FBRSL1: variants seen among roughly 807,000 people sequenced by gnomAD.
FBRSL1 encodes fibrosin like 1.
Under a neutral mutation model 89.6 loss-of-function variants are expected in FBRSL1, and 51 were observed. The ratio of observed to expected loss-of-function variants is 0.57; its 90% CI spans 0.45 to 0.72. The LOEUF (loss-of-function observed/expected upper bound fraction) is 0.72, where lower values mean the gene tolerates loss of function less well. Ranked by LOEUF, FBRSL1 falls within the 30% of genes least tolerant of loss-of-function variation. The pLI is 0.00. For missense variants in FBRSL1, 1,618 were observed against 1,451.8 expected, an observed-to-expected ratio of 1.11 and a Z score of -1.86; for synonymous variants, 779 against 681.1, an observed-to-expected ratio of 1.14 and a Z score of -2.24.
At position 132,570,441 on chromosome 12, in the gene FBRSL1, C is replaced by T; in HGVS notation, c.1114C>T (p.Gln372Ter). 1 of 1,534,920 alleles carries T rather than the reference C, an allele frequency of 6.5e-7. No individual in the cohort carries two copies. ...ACACCTGGCGCTCCGGTCCCAGGCG[C>T]AGCACCAGCTCCACGCGGCCATGTT... is the stretch of plus-strand genomic sequence containing the variant. ...TSHLALRSQA[Q>*]HQLHAAMFAA... Residue 372 changes from glutamine to a stop codon, truncating the protein, a stop_gained, in exon 8 of 19, where the codon CAG becomes TAG. Transcript: ENST00000680143. LOFTEE classifies it high-confidence loss of function.
rs1439379514 is a variant in FBRSL1 at position 132,582,179 on chromosome 12, C to G, written c.2114C>G (p.Pro705Arg). ...CCGCCCTCCTTCCCGGCTCCGCCCC[C>G]GTGGCCCAAGTCCGTGGACGCGGAG... Reference protein sequence around the residue: ...RAPPSFPAPPPWPKSVDAERV... With the variant: ...RAPPSFPAPPRWPKSVDAERV... The change falls in exon 18 of 19, where the codon CCG (proline) becomes CGG (arginine). Residue 705 changes from proline (P) to arginine (R), a missense_variant. Physicochemically the swap from Pro to Arg is moderately radical, Grantham distance 103. Coordinates refer to ENST00000680143, the MANE Select transcript of FBRSL1 (RefSeq NM_001367871.1). 1 of 1,550,146 alleles carries G rather than the reference C, an allele frequency of 6.5e-7. No individual in the cohort carries two copies. Among genetic ancestry groups the G allele is most frequent in the Non-Finnish European group, 8.7e-7 (1 of 1,146,846 alleles).
intron 4 of FBRSL1, among the ~76,000 whole-genome samples, chr12:132,528,352 G>A (rs756252557): frequency 2.0e-5 from 3 of 152,166 alleles, no homozygotes; most frequent in Non-Finnish European, 4.4e-5. Context: ...GCCAAGGCCG[G>A]GCTGCTTCTT....
At position 132,581,532 on chromosome 12, in the gene FBRSL1, T is replaced by A; in HGVS notation, c.1912+16T>A. 1 of 1,550,518 alleles carries A rather than the reference T, an allele frequency of 6.4e-7. No homozygotes were observed. The highest frequency in any genetic ancestry group is 8.7e-7 in the Non-Finnish European group (1 of 1,146,570). ...CCCCTGACAGGTGGGTGTCTCTGAA[T>A]TCAGCCCACGCAGCCTGGCTGGTTC... is the stretch of plus-strand genomic sequence containing the variant. On this transcript the variant is annotated intron_variant, in intron 16 of 18. Coordinates refer to ENST00000680143, the MANE Select transcript of FBRSL1 (RefSeq NM_001367871.1).
intron 5 of FBRSL1, among the ~76,000 whole-genome samples, chr12:132,562,834 G>T (rs1450726703): frequency 1.3e-5 from 2 of 152,122 alleles, no homozygotes; most frequent in East Asian, 3.8e-4. Context: ...ACGTGACTAG[G>T]AAGGGCTTCC....
intron 4 of FBRSL1, among the ~76,000 whole-genome samples, chr12:132,537,158 G>T (rs2036833887): frequency 6.6e-6 from 1 of 152,210 alleles, no homozygotes. Context: ...GTTAGGGATG[G>T]CCGCCCTGTC....
At chr12:132,539,689 C>T (rs1162618827) in intron 4 of FBRSL1, among the ~76,000 whole-genome samples, 1 of 120,708 alleles carries the variant, frequency 8.3e-6, no homozygotes, top group Admixed American at 8.2e-5. Context: ...CCCAGTCCTG[C>T]CTTCCAGCCC....
intron 5 of FBRSL1, among the ~76,000 whole-genome samples, chr12:132,559,277 C>T (rs1210586999): frequency 6.6e-6 from 1 of 152,250 alleles, no homozygotes; most frequent in Non-Finnish European, 1.5e-5. Flanking sequence ...CGACTTTGCA[C>T]CCCCGTTTCA....
At chr12:132,571,284 C>G in intron 9 of FBRSL1, 53 bp downstream of exon 9, 4 of 1,506,060 alleles carry the variant, frequency 2.7e-6, no homozygotes, top group Non-Finnish European at 3.6e-6. Flanking sequence ...GCCTCTCTGT[C>G]TCTCTCTCTT....
chr12:132,571,652 CTG>C (rs1342440360), intron 9 of FBRSL1: 1 of 619,948 alleles, frequency 1.6e-6, no homozygotes, highest in East Asian at 4.3e-5. Context: ...CGGCACCTCT[CTG>C]TCGTCTGTCC....
intron 4 of FBRSL1, among the ~76,000 whole-genome samples, chr12:132,544,029 C>T (rs748231117): frequency 2.6e-5 from 4 of 152,134 alleles, no homozygotes; most frequent in South Asian, 4.1e-4. Context: ...GCGTGAGGGC[C>T]GGGGCCCTGG....
chr12:132,497,706 C>T (rs1318136355), intron 1 of FBRSL1, among the ~76,000 whole-genome samples: 5 of 152,152 alleles, frequency 3.3e-5, no homozygotes, highest in South Asian at 2.1e-4. Context: ...CCTAGGGCGC[C>T]GCCTCACACC....
intron 4 of FBRSL1, among the ~76,000 whole-genome samples, chr12:132,532,769 G>C (rs979587451): frequency 2.6e-5 from 4 of 152,236 alleles, no homozygotes; most frequent in African/African-American, 9.6e-5. Flanking sequence ...GGTTTGAACA[G>C]AGGGGCCGGT....
At chr12:132,516,169 A>T (rs1240919344) in intron 2 of FBRSL1, among the ~76,000 whole-genome samples, 1 of 151,956 alleles carries the variant, frequency 6.6e-6, no homozygotes, top group Non-Finnish European at 1.5e-5. Context: ...CTGACACAAG[A>T]TGAAATAGAT....
chr12:132,567,572 C>A (rs1321564011), intron 6 of FBRSL1, 46 bp downstream of exon 6: 1 of 1,530,366 alleles, frequency 6.5e-7, no homozygotes, highest in Non-Finnish European at 8.9e-7. Context: ...TGAAGAGACA[C>A]AATGCGCCCT....
At chr12:132,577,467 T>A (rs1191752767) in intron 15 of FBRSL1, among the ~76,000 whole-genome samples, 1 of 152,176 alleles carries the variant, frequency 6.6e-6, no homozygotes, top group Non-Finnish European at 1.5e-5. Flanking sequence ...CTTCCTCACA[T>A]GCATGGTTGC....
chr12:132,544,859 TGATGGTGATGAG>T (rs2037553575), intron 4 of FBRSL1, among the ~76,000 whole-genome samples: 1 of 151,736 alleles, frequency 6.6e-6, no homozygotes, highest in South Asian at 2.1e-4. Flanking sequence ...GTGATGAGGG[TGATGGTGATGAG>T]GATGGTGATG....
intron 9 of FBRSL1, 47 bp downstream of exon 9, chr12:132,571,278 C>G (rs2039990887): frequency 6.7e-7 from 1 of 1,502,316 alleles, no homozygotes; most frequent in Admixed American, 2.1e-5. Context: ...CAACGTGCCT[C>G]TCTGTCTCTC....
At position 132,570,077 on chromosome 12, in the gene FBRSL1, C is replaced by T. The variant is rs2039902448; in HGVS notation, c.843C>T (p.Ser281=). ...CCTGCCCGGGGCCCCCGCCCGGCTC[C>T]CGCGCCAATCCCTTGGTGAAGAAGG... ...AAPCPGPPPG[S]RANPLVKKEP... Residue 281 remains serine (S), a synonymous_variant, in exon 7 of 19, where the codon TCC becomes TCT. Transcript: ENST00000680143. 3 of 1,488,458 alleles carry T rather than the reference C, an allele frequency of 2.0e-6. No homozygotes were observed. Among genetic ancestry groups the T allele is most frequent in the African/African-American group, 1.5e-5 (1 of 68,234 alleles). The allele number at this position is 1,488,458 out of a possible 1,614,324, so 92.2% of individuals were successfully genotyped here. A position where few individuals can be genotyped will look rare whatever the true frequency, so the allele number is the denominator to read the frequency against.
At position 132,575,627 on chromosome 12, in the gene FBRSL1, C is replaced by T. The variant is rs1035166001; in HGVS notation, c.1701+1063C>T. Among the ~76,000 whole-genome samples, 11 of 152,296 alleles carry T rather than the reference C, an allele frequency of 7.2e-5. No homozygotes were observed. In the East Asian group the frequency reaches 1.4e-3, roughly 19 times the overall value. ...GGTGGGGGGCCGTCCACGGCAGAGTCGGGAGACCTCATCACTCCTGGTTTT... is the reference window on the plus strand; with the variant it reads ...GGTGGGGGGCCGTCCACGGCAGAGTTGGGAGACCTCATCACTCCTGGTTTT... On this transcript the variant is annotated intron_variant, in intron 14 of 18. Transcript: ENST00000680143.
Sources: gnomAD v4.1 joint callset for allele counts (sites outside exome capture counted in the v4.1 genomes callset) on GRCh38, gnomAD v4.1.1 for gene constraint, MANE v1.5 for transcripts, NCBI Gene and HGNC (gene_info 2026-07-23, HGNC 2026-07-21) for gene names.